Variants in NELL1 observed in about 807,000 individuals in gnomAD.
NELL1 encodes the protein protein kinase C-binding protein NELL1.
Under a neutral mutation model 107.4 loss-of-function variants are expected in NELL1, and 76 were observed. The ratio of observed to expected loss-of-function variants is 0.71; its 90% confidence interval spans 0.59 to 0.86. The LOEUF (loss-of-function observed/expected upper bound fraction) is 0.86, where lower values mean the gene tolerates loss of function less well. Among genes scored for constraint, NELL1 ranks in the 40% least tolerant of loss-of-function variants. The pLI is 0.00. For missense variants in NELL1, 1,024 were observed against 1,005.5 expected (o/e 1.02, Z -0.25); for synonymous variants, 353 against 341.2 (o/e 1.03, Z -0.38).
intron 3 of NELL1, among the ~76,000 whole-genome samples, chr11:20,828,980 C>G (rs757437593): frequency 6.6e-6 from 1 of 152,036 alleles, no homozygotes; most frequent in Non-Finnish European, 1.5e-5. Flanking sequence ...TTTGCAAGTC[C>G]AAAAGATAAA....
intron 2 of NELL1, among the ~76,000 whole-genome samples, chr11:20,710,396 C>G (rs1855081723): frequency 6.6e-6 from 1 of 152,134 alleles, no homozygotes; most frequent in Non-Finnish European, 1.5e-5. Context: ...GGTATGAAAC[C>G]CACTAGAACA....
intron 16 of NELL1, among the ~76,000 whole-genome samples, chr11:21,557,736 C>T (rs1856755125): frequency 6.6e-6 from 1 of 152,012 alleles, no homozygotes; most frequent in African/African-American, 2.4e-5. Flanking sequence ...AAAATGTGTT[C>T]CCTGAAGGGC....
intron 12 of NELL1, among the ~76,000 whole-genome samples, chr11:20,980,012 G>T (rs1851717594): frequency 6.6e-6 from 1 of 152,126 alleles, no homozygotes; most frequent in Non-Finnish European, 1.5e-5. Context: ...ACTTAGTATT[G>T]TACATGGTAC....
chr11:20,883,045 T>C (rs1202984506), intron 4 of NELL1, among the ~76,000 whole-genome samples: 1 of 152,266 alleles, frequency 6.6e-6, no homozygotes, highest in Non-Finnish European at 1.5e-5. Flanking sequence ...TCTCTTCATG[T>C]TGATACATCT....
intron 14 of NELL1, among the ~76,000 whole-genome samples, chr11:21,246,643 A>G (rs971074813): frequency 2.6e-5 from 4 of 152,150 alleles, no homozygotes; most frequent in African/African-American, 9.7e-5. Context: ...TGTACTTAAT[A>G]TTTGAGGCAA....
At chr11:21,042,871 A>G (rs551834266) in intron 12 of NELL1, among the ~76,000 whole-genome samples, 168 of 152,216 alleles carry the variant, frequency 1.1e-3, no homozygotes, top group African/African-American at 3.8e-3. Context: ...ATGATACAGA[A>G]TATGCTTTGT....
At chr11:21,070,812 A>G (rs1038606922) in intron 12 of NELL1, among the ~76,000 whole-genome samples, 1 of 152,178 alleles carries the variant, frequency 6.6e-6, no homozygotes, top group African/African-American at 2.4e-5. Context: ...GAGCCTAAAG[A>G]TGCCTTAAAA....
rs373583278 is a variant in NELL1, at chr11:20,923,600, ACT to A, written c.760-3705_760-3704del. ...GCTGGGAACATTGTGATAGGGTCAG[ACT>A]CTGTCCTGCTATCAGATCCCAACTG... On this transcript the variant is annotated intron_variant, in intron 7 of 19. Transcript: ENST00000357134. Among the ~76,000 whole-genome samples, 63 of 152,202 alleles carry A rather than the reference ACT, an allele frequency of 4.1e-4. 2 individuals are homozygous for A. The East Asian group carries it at 0.011, about 27-fold the overall frequency.
chr11:21,166,202 A>G (rs1438502472), intron 13 of NELL1, among the ~76,000 whole-genome samples: 3 of 151,688 alleles, frequency 2.0e-5, no homozygotes, highest in Non-Finnish European at 4.4e-5. Flanking sequence ...GAAGATAGGG[A>G]GTAGAAGGAT....
chr11:21,447,015 G>C (rs1371074305), intron 15 of NELL1, among the ~76,000 whole-genome samples: 1 of 152,120 alleles, frequency 6.6e-6, no homozygotes, highest in African/African-American at 2.4e-5. Flanking sequence ...CTTTCCTCCT[G>C]TTTACCCAGG....
At chr11:20,919,134 A>G (rs765000573) in intron 6 of NELL1, 118 bp from the exon 7 acceptor site, 23 of 487,324 alleles carry the variant, frequency 4.7e-5, no homozygotes, top group Non-Finnish European at 7.5e-5. Flanking sequence ...TTTCAAAGCA[A>G]TGTCAACCAA....
intron 15 of NELL1, among the ~76,000 whole-genome samples, chr11:21,388,929 T>C (rs1406521018): frequency 6.6e-6 from 1 of 151,886 alleles, no homozygotes; most frequent in Non-Finnish European, 1.5e-5. Flanking sequence ...CCTTCCCTGG[T>C]TGAACACTGT....
chr11:20,826,468 T>C (rs1857885954), intron 3 of NELL1, among the ~76,000 whole-genome samples: 1 of 151,278 alleles, frequency 6.6e-6, no homozygotes, highest in Non-Finnish European at 1.5e-5. Flanking sequence ...TTATTCTAGA[T>C]GGCCGTGTGC....
At chr11:21,246,398 A>G (rs968108953) in intron 14 of NELL1, among the ~76,000 whole-genome samples, 6 of 152,150 alleles carry the variant, frequency 3.9e-5, no homozygotes, top group African/African-American at 1.4e-4. Context: ...TTTCCATGGA[A>G]TGGAAAGAGC....
chr11:20,855,386 G>T (rs188687843), intron 4 of NELL1, among the ~76,000 whole-genome samples: 2 of 152,120 alleles, frequency 1.3e-5, no homozygotes, highest in African/African-American at 2.4e-5. Flanking sequence ...TTTATCTGAT[G>T]GTTTGTTGGC....
At chr11:21,133,565 T>A (rs1855673210) in intron 13 of NELL1, among the ~76,000 whole-genome samples, 1 of 152,076 alleles carries the variant, frequency 6.6e-6, no homozygotes, top group Admixed American at 6.5e-5. Context: ...GTGCCCAAAG[T>A]CCAGAAGGGG....
chr11:21,107,079 A>T (rs1385486288), intron 12 of NELL1, among the ~76,000 whole-genome samples: 1 of 152,184 alleles, frequency 6.6e-6, no homozygotes, highest in Admixed American at 6.5e-5. Flanking sequence ...TCCTGCTGTT[A>T]TCCGTTATCA....
chr11:21,311,396 T>C (rs181443412), intron 14 of NELL1, among the ~76,000 whole-genome samples: 41 of 152,290 alleles, frequency 2.7e-4, no homozygotes, highest in African/African-American at 7.5e-4. Flanking sequence ...TTTGCCCAAT[T>C]TGTCCTTCTT....
At chr11:21,099,046 C>G (rs1467730570) in intron 12 of NELL1, among the ~76,000 whole-genome samples, 2 of 152,044 alleles carry the variant, frequency 1.3e-5, no homozygotes, top group Admixed American at 6.6e-5. Context: ...ACCAATTCAT[C>G]TTTGTTATCA....
Sources: allele counts gnomAD v4.1 joint callset (sites outside exome capture counted in the v4.1 genomes callset), GRCh38; gene constraint gnomAD v4.1.1; transcripts MANE v1.5; gene names NCBI Gene and HGNC (gene_info 2026-07-23, HGNC 2026-07-21).